Variants in CSMD1 observed in about 807,000 individuals in gnomAD.
CSMD1 encodes the protein CUB and Sushi multiple domains 1, also known as CUB and sushi domain-containing protein 1.
CSMD1 carries 213 observed loss-of-function variants against 417.5 expected under a neutral mutation model. That is an observed-to-expected ratio of 0.51 (90% CI 0.46 to 0.57). The LOEUF (loss-of-function observed/expected upper bound fraction) is 0.57. Among genes scored for constraint, CSMD1 ranks in the 20% least tolerant of loss-of-function variants. The pLI is 0.00. For missense variants in CSMD1, 6,923 were observed against 4,529.7 expected (o/e 1.53, Z -15.17); for synonymous variants, 2,862 against 1,736.8 (o/e 1.65, Z -16.11).
At chr8:4,570,891 A>T (rs754555213) in intron 2 of CSMD1, among the ~76,000 whole-genome samples, 1 of 152,158 alleles carries the variant, frequency 6.6e-6, no homozygotes, top group South Asian at 2.1e-4. Flanking sequence ...GTACCCAGGA[A>T]TTTGTCCATT....
Position 4,756,007 on chromosome 8 carries a change from T to G in CSMD1, c.86-118449A>C, listed in dbSNP as rs1241880399. 3.0e-4 allele frequency among the ~76,000 whole-genome samples: 46 copies of G among 152,206 alleles called. 2 individuals are homozygous for G. The highest frequency in any genetic ancestry group is 2.9e-3 in the Admixed American group (45 of 15,276). On this transcript the variant is annotated intron_variant, in intron 1 of 69. Coordinates refer to ENST00000635120, the MANE Select transcript of CSMD1 (RefSeq NM_033225.6). Reference sequence around the variant, plus strand: ...TGAATTATTTAGTATGTGTGAGTATTAAGTCATTTGCTAATTGTTTAGTTC... The same window carrying G: ...TGAATTATTTAGTATGTGTGAGTATGAAGTCATTTGCTAATTGTTTAGTTC...
intron 3 of CSMD1, among the ~76,000 whole-genome samples, chr8:4,117,343 G>A (rs1174176135): frequency 6.6e-6 from 1 of 150,996 alleles, no homozygotes; most frequent in Non-Finnish European, 1.5e-5. Context: ...TACCAACACT[G>A]TCATCGCCTC....
chr8:4,086,549 T>C (rs1323970520), intron 3 of CSMD1, among the ~76,000 whole-genome samples: 1 of 152,196 alleles, frequency 6.6e-6, no homozygotes, highest in African/African-American at 2.4e-5. Flanking sequence ...GCTCTTAAAA[T>C]AGGGCCCACA....
At chr8:3,676,044 C>G (rs903906322) in intron 7 of CSMD1, among the ~76,000 whole-genome samples, 3 of 152,144 alleles carry the variant, frequency 2.0e-5, no homozygotes, top group Non-Finnish European at 4.4e-5. Flanking sequence ...CAAATATAGG[C>G]ATAGGAAGTC....
At chr8:3,887,047 A>G (rs76305785) in intron 5 of CSMD1, among the ~76,000 whole-genome samples, 2 of 151,986 alleles carry the variant, frequency 1.3e-5, no homozygotes, top group Admixed American at 6.6e-5. Context: ...TGCCTCACAC[A>G]TTTTCCCACC....
chr8:4,677,379 G>C (rs921267517), intron 1 of CSMD1, among the ~76,000 whole-genome samples: 1 of 151,984 alleles, frequency 6.6e-6, no homozygotes, highest in Non-Finnish European at 1.5e-5. Context: ...ATGGGACAGA[G>C]TTTCAACATA....
At chr8:4,077,151 C>T (rs750923153) in intron 3 of CSMD1, among the ~76,000 whole-genome samples, 16 of 151,470 alleles carry the variant, frequency 1.1e-4, no homozygotes, top group East Asian at 1.9e-4. Context: ...TTAAATGACG[C>T]ATCCAACTGC....
intron 2 of CSMD1, among the ~76,000 whole-genome samples, chr8:4,505,182 G>T (rs1296111996): frequency 1.3e-5 from 2 of 152,144 alleles, no homozygotes; most frequent in African/African-American, 4.8e-5. Context: ...AGCTTGCATT[G>T]TTTCCTCTAG....
intron 23 of CSMD1, among the ~76,000 whole-genome samples, chr8:3,331,419 G>A (rs1414701195): frequency 2.0e-5 from 3 of 152,128 alleles, no homozygotes; most frequent in Non-Finnish European, 4.4e-5. Flanking sequence ...ATCTGATGCG[G>A]TGAAAACACA....
At chr8:3,168,181 C>G (rs1401195457) in intron 37 of CSMD1, among the ~76,000 whole-genome samples, 3 of 152,064 alleles carry the variant, frequency 2.0e-5, no homozygotes, top group Non-Finnish European at 4.4e-5. Flanking sequence ...GTCAAGAAAT[C>G]AAAATACAGG....
chr8:4,346,151 G>C (rs771027868), intron 3 of CSMD1, among the ~76,000 whole-genome samples: 18 of 152,102 alleles, frequency 1.2e-4, no homozygotes, highest in Non-Finnish European at 1.9e-4. Flanking sequence ...AACTCTCCAT[G>C]CTGGTCAACT....
intron 2 of CSMD1, among the ~76,000 whole-genome samples, chr8:4,487,484 A>T (rs530910662): frequency 6.6e-6 from 1 of 152,330 alleles, no homozygotes; most frequent in East Asian, 1.9e-4. Context: ...GTCCCTACAA[A>T]GGACATGAAG....
chr8:4,874,195 G>C (rs933406683), intron 1 of CSMD1, among the ~76,000 whole-genome samples: 2 of 152,030 alleles, frequency 1.3e-5, no homozygotes, highest in Non-Finnish European at 2.9e-5. Flanking sequence ...CAATGAACAT[G>C]TGTGATTAAT....
At position 3,151,258 on chromosome 8, in the gene CSMD1, G is replaced by C. The variant is rs1819176327; in HGVS notation, c.6031+139C>G. The C allele has an allele frequency of 7.0e-6, 4 of 569,322 alleles. No homozygotes were observed. The South Asian group carries it at 1.0e-4, about 15-fold the overall frequency. 35.3% of individuals were successfully genotyped at this position (569,322 alleles called of 1,614,324 possible). On this transcript the variant is annotated intron_variant, in intron 40 of 69. Transcript: ENST00000635120. ...CCACTCTCAAAGTTACTCTGCCAAA[G>C]CTTTATTTAAATCTGTACGCCACTT...
At chr8:4,037,741 A>G (rs1027470066) in intron 3 of CSMD1, among the ~76,000 whole-genome samples, 2 of 152,138 alleles carry the variant, frequency 1.3e-5, no homozygotes, top group African/African-American at 4.8e-5. Context: ...TTATGACTCT[A>G]TCAGATTTTA....
rs531723610 is a variant in CSMD1 at position 3,686,624 on chromosome 8, C to G, written c.1009+21790G>C. Among the ~76,000 whole-genome samples, 3 of 152,136 alleles carry G rather than the reference C, an allele frequency of 2.0e-5. No individual in the cohort carries two copies. In the East Asian group the frequency reaches 5.8e-4, roughly 29 times the overall value. ...TATCATCAAGCACAGAAAACTGAAGCCCAGGGATATCTATACAAACAAACC... is the reference window on the plus strand; with the variant it reads ...TATCATCAAGCACAGAAAACTGAAGGCCAGGGATATCTATACAAACAAACC... On this transcript the variant is annotated intron_variant, in intron 7 of 69. Coordinates refer to ENST00000635120, the MANE Select transcript of CSMD1 (RefSeq NM_033225.6).
intron 5 of CSMD1, among the ~76,000 whole-genome samples, chr8:3,979,404 G>A (rs767071768): frequency 6.6e-6 from 1 of 152,148 alleles, no homozygotes; most frequent in Non-Finnish European, 1.5e-5. Context: ...AGCTACAGAG[G>A]CTACATGGAA....
intron 3 of CSMD1, among the ~76,000 whole-genome samples, chr8:4,306,026 C>A (rs1563424298): frequency 6.6e-6 from 1 of 152,112 alleles, no homozygotes; most frequent in Non-Finnish European, 1.5e-5. Flanking sequence ...GGTGCATTTG[C>A]TGTAATTATA....
At chr8:3,392,240 A>C (rs1368929500) in intron 17 of CSMD1, among the ~76,000 whole-genome samples, 1 of 152,132 alleles carries the variant, frequency 6.6e-6, no homozygotes, top group Admixed American at 6.5e-5. Context: ...ATGTACCCTA[A>C]AACTTAAAGT....
Sources: gnomAD v4.1 joint callset for allele counts (sites outside exome capture counted in the v4.1 genomes callset) on GRCh38, gnomAD v4.1.1 for gene constraint, MANE v1.5 for transcripts, NCBI Gene and HGNC (gene_info 2026-07-23, HGNC 2026-07-21) for gene names.